RIMS2: variants seen among roughly 807,000 people sequenced by gnomAD.
RIMS2 encodes regulating synaptic membrane exocytosis protein 2.
RIMS2 carries 59 observed loss-of-function variants against 174.4 expected under a neutral mutation model. That is an observed-to-expected ratio of 0.34 (90% CI 0.27 to 0.42). The LOEUF is 0.42. Among genes scored for constraint, RIMS2 ranks in the 10% least tolerant of loss-of-function variants. The pLI, the probability that RIMS2 is intolerant of heterozygous loss-of-function variation, is 1.00. For missense variants in RIMS2, 1,620 were observed against 1,666.3 expected, an observed-to-expected ratio of 0.97 and a Z score of 0.48; for synonymous variants, 606 against 572.5, an observed-to-expected ratio of 1.06 and a Z score of -0.84.
exon 1 of RIMS2, chr8:103,500,988 G>C: frequency 6.2e-7 from 1 of 1,611,608 alleles, no homozygotes; most frequent in Non-Finnish European, 8.5e-7. Flanking sequence ...ACCTCACGGA[G>C]GAGGAGAGGA....
chr8:103,999,926 G>T (rs976826811), intron 17 of RIMS2, among the ~76,000 whole-genome samples: 9 of 151,624 alleles, frequency 5.9e-5, no homozygotes, highest in Non-Finnish European at 8.9e-5. Flanking sequence ...AGAAAACAGA[G>T]ATCATTAATG....
exon 16 of RIMS2, chr8:103,975,412 T>A: frequency 6.2e-7 from 1 of 1,612,526 alleles, no homozygotes; most frequent in East Asian, 2.2e-5. Flanking sequence ...ACAAGTAATG[T>A]CATCAAACCA....
At chr8:103,882,351 C>A (rs888947045) in intron 3 of RIMS2, among the ~76,000 whole-genome samples, 4 of 151,396 alleles carry the variant, frequency 2.6e-5, no homozygotes, top group Admixed American at 6.6e-5. Flanking sequence ...TGAAGTAATT[C>A]ATAATATAGT....
chr8:103,848,835 T>C lies in RIMS2; in HGVS notation c.699-36463T>C, dbSNP rs748359612. 3.9e-5 allele frequency among the ~76,000 whole-genome samples: 6 copies of C among 152,148 alleles called. No individual in the cohort carries two copies. The Middle Eastern group carries it at 0.01, about 259-fold the overall frequency. On this transcript the variant is annotated intron_variant, in intron 3 of 23. Transcript: ENST00000504942. ...GAATTTAGCCTTCTGTGAAGTTCTG[T>C]CAATGTTATAATTAAATTCTGTGAC...
At chr8:103,898,563 G>A (rs1319317428) in intron 4 of RIMS2, among the ~76,000 whole-genome samples, 2 of 151,282 alleles carry the variant, frequency 1.3e-5, no homozygotes, top group Non-Finnish European at 2.9e-5. Flanking sequence ...CAATGCACCT[G>A]CTTTTTTAGA....
intron 19 of RIMS2, among the ~76,000 whole-genome samples, chr8:104,057,614 A>T (rs1484004376): frequency 3.3e-5 from 5 of 151,200 alleles, no homozygotes; most frequent in African/African-American, 7.3e-5. Context: ...CATGTGCACA[A>T]TGTGCAGGTT....
chr8:103,910,289 A>ATTTTT, intron 5 of RIMS2, 32 bp from the exon 8 acceptor site: 1 of 1,328,092 alleles, frequency 7.5e-7, no homozygotes, highest in Non-Finnish European at 1.0e-6. Flanking sequence ...TCTTTTTTGT[A>ATTTTT]TCTTTTTTTT....
At chr8:103,631,878 C>G (rs888260276) in intron 1 of RIMS2, among the ~76,000 whole-genome samples, 8 of 152,124 alleles carry the variant, frequency 5.3e-5, no homozygotes, top group East Asian at 1.9e-4. Context: ...GTATTTTATT[C>G]TGTTTGTGGC....
At chr8:103,885,823 A>G (rs559002928) in exon 4 of RIMS2, 2 of 1,612,986 alleles carry the variant, frequency 1.2e-6, no homozygotes, top group East Asian at 2.2e-5. Context: ...AAAATCAGCG[A>G]TCTTATTCAA....
intron 14 of RIMS2, among the ~76,000 whole-genome samples, chr8:103,948,596 G>T (rs181675852): frequency 6.6e-6 from 1 of 152,222 alleles, no homozygotes; most frequent in East Asian, 1.9e-4. Flanking sequence ...TGTGTTCTAT[G>T]ATTCTACTTA....
chr8:103,946,499 A>G (rs1405270798), intron 14 of RIMS2, among the ~76,000 whole-genome samples: 2 of 152,222 alleles, frequency 1.3e-5, no homozygotes, highest in African/African-American at 4.8e-5. Flanking sequence ...CTCAAAACAA[A>G]CAAATGAAAA....
chr8:104,208,336 G>A (rs369327943), intron 19 of RIMS2, among the ~76,000 whole-genome samples: 2 of 149,646 alleles, frequency 1.3e-5, no homozygotes, highest in African/African-American at 2.6e-5. Flanking sequence ...GGGAGGCCGA[G>A]GGGGGCAGAT....
chr8:103,979,431 A>C (rs947765585), intron 16 of RIMS2, among the ~76,000 whole-genome samples: 1 of 152,202 alleles, frequency 6.6e-6, no homozygotes, highest in African/African-American at 2.4e-5. Context: ...ACCTCCAAAA[A>C]CTTAAAATGG....
At chr8:104,169,340 A>AT (rs1491155725) in intron 19 of RIMS2, among the ~76,000 whole-genome samples, 8,494 of 28,000 alleles carry the variant, frequency 0.3, 339 homozygotes, top group East Asian at 0.46. Flanking sequence ...ATATATATAT[A>AT]AAACAGATTC....
intron 3 of RIMS2, among the ~76,000 whole-genome samples, chr8:103,823,219 T>C (rs753535600): frequency 1.3e-5 from 2 of 151,922 alleles, no homozygotes; most frequent in African/African-American, 4.8e-5. Context: ...TTATTTAGAG[T>C]AGATATTAAA....
intron 19 of RIMS2, among the ~76,000 whole-genome samples, chr8:104,184,885 A>G (rs1289116640): frequency 6.6e-6 from 1 of 151,228 alleles, no homozygotes; most frequent in East Asian, 1.9e-4. Context: ...GTACATATGT[A>G]TCATGATAAG....
chr8:103,675,160 C>G (rs1353998337), intron 1 of RIMS2, among the ~76,000 whole-genome samples: 2 of 152,142 alleles, frequency 1.3e-5, no homozygotes, highest in East Asian at 3.9e-4. Flanking sequence ...GATCTGCCCG[C>G]TTTGGCCTCC....
intron 19 of RIMS2, among the ~76,000 whole-genome samples, chr8:104,196,294 C>T (rs901591484): frequency 2.6e-5 from 4 of 152,062 alleles, no homozygotes; most frequent in Non-Finnish European, 5.9e-5. Flanking sequence ...CACTTTTAAT[C>T]TTTGGTTCAC....
At chr8:104,234,286 C>T (rs183851591) in intron 19 of RIMS2, among the ~76,000 whole-genome samples, 1 of 152,090 alleles carries the variant, frequency 6.6e-6, no homozygotes, top group East Asian at 1.9e-4. Flanking sequence ...TTCATCCAAC[C>T]ATAAAATATT....
Sources: allele counts gnomAD v4.1 joint callset (sites outside exome capture counted in the v4.1 genomes callset), GRCh38; gene constraint gnomAD v4.1.1; transcripts MANE v1.5; gene names NCBI Gene and HGNC (gene_info 2026-07-23, HGNC 2026-07-21).